Variants in SLC23A2 observed in about 807,000 individuals in gnomAD.
The protein encoded by SLC23A2 is solute carrier family 23 member 2.
In SLC23A2, 36 loss-of-function variants were observed where a neutral mutation model predicts 73.3. That is an observed-to-expected ratio of 0.49 (90% CI 0.38 to 0.65). SLC23A2 has a LOEUF of 0.65. Ranked by LOEUF, SLC23A2 falls within the 30% of genes least tolerant of loss-of-function variation. The probability of loss-of-function intolerance (pLI) is 0.00; values close to 1 mark genes in which losing one functional copy is unlikely to be tolerated. For synonymous variants in SLC23A2, 343 were observed against 327.3 expected, an observed-to-expected ratio of 1.05 and a Z score of -0.52; for missense variants, 507 against 841.6, an observed-to-expected ratio of 0.60 and a Z score of 4.92.
At chr20:4,937,523 C>G (rs1161501873) in intron 2 of SLC23A2, among the ~76,000 whole-genome samples, 1 of 152,118 alleles carries the variant, frequency 6.6e-6, no homozygotes, top group Non-Finnish European at 1.5e-5. Flanking sequence ...TCTCTGACCT[C>G]TTATTAAATA....
At chr20:4,892,742 G>A (rs113488994) in intron 6 of SLC23A2, among the ~76,000 whole-genome samples, 1 of 151,952 alleles carries the variant, frequency 6.6e-6, no homozygotes, top group Non-Finnish European at 1.5e-5. Context: ...AATATGACAG[G>A]GACACAATCA....
At chr20:4,984,867 G>A (rs766453011) in intron 1 of SLC23A2, among the ~76,000 whole-genome samples, 5 of 151,688 alleles carry the variant, frequency 3.3e-5, no homozygotes, top group African/African-American at 4.8e-5. Flanking sequence ...GGCCAGGCAT[G>A]GTGGCTCACG....
intron 3 of SLC23A2, among the ~76,000 whole-genome samples, chr20:4,913,818 G>T (rs1932238747): frequency 6.6e-6 from 1 of 151,690 alleles, no homozygotes; most frequent in South Asian, 2.1e-4. Context: ...GTAGAGACGG[G>T]GTTTCACCAT....
intron 1 of SLC23A2, among the ~76,000 whole-genome samples, chr20:4,993,044 C>T (rs985389903): frequency 6.6e-6 from 1 of 151,674 alleles, no homozygotes; most frequent in South Asian, 2.1e-4. Flanking sequence ...TTTGGGAGGC[C>T]GAGGCAGGTG....
chr20:4,988,051 C>A (rs1281233155), intron 1 of SLC23A2, among the ~76,000 whole-genome samples: 1 of 150,690 alleles, frequency 6.6e-6, no homozygotes, highest in African/African-American at 2.4e-5. Context: ...GTAATCTCAG[C>A]ACTTTGGGAG....
chr20:4,995,488 C>T (rs1472297316), intron 1 of SLC23A2, among the ~76,000 whole-genome samples: 2 of 152,136 alleles, frequency 1.3e-5, no homozygotes, highest in Non-Finnish European at 2.9e-5. Flanking sequence ...TCCACCTGAC[C>T]CCCATCACAT....
intron 2 of SLC23A2, among the ~76,000 whole-genome samples, chr20:4,935,656 G>T (rs181367996): frequency 6.6e-6 from 1 of 151,950 alleles, no homozygotes; most frequent in Non-Finnish European, 1.5e-5. Context: ...AAAATTAGCC[G>T]GGCGTGGTGG....
intron 2 of SLC23A2, among the ~76,000 whole-genome samples, chr20:4,948,123 G>A (rs979042759): frequency 2.6e-5 from 4 of 152,164 alleles, no homozygotes; most frequent in Non-Finnish European, 4.4e-5. Context: ...CTGGGAGAAG[G>A]CAGGCTCAGG....
intron 9 of SLC23A2, among the ~76,000 whole-genome samples, chr20:4,877,302 A>AT (rs1165405013): frequency 2.0e-5 from 3 of 151,796 alleles, no homozygotes; most frequent in African/African-American, 2.4e-5. Flanking sequence ...ATATTTCAGC[A>AT]TTTTTTTTGG....
chr20:4,981,556 T>C (rs1353610687), intron 1 of SLC23A2, among the ~76,000 whole-genome samples: 1 of 152,142 alleles, frequency 6.6e-6, no homozygotes, highest in Non-Finnish European at 1.5e-5. Flanking sequence ...GTGATCGCAA[T>C]TTGCTGTCGA....
chr20:4,895,805 C>A lies in SLC23A2; in HGVS notation c.482+3750G>T, dbSNP rs540745895. On this transcript the variant is annotated intron_variant, in intron 6 of 16. Transcript: ENST00000338244. ...TTGATCTTGGTGAGCACCCCTAGAA[C>A]AGATGCTGTCCTGAGTGAGATCTGG... Among the ~76,000 whole-genome samples the A allele has an allele frequency of 2.3e-3, 354 of 152,350 alleles. 1 individual carries two copies. Among genetic ancestry groups the A allele is most frequent in the Non-Finnish European group, 4.3e-3 (292 of 68,030 alleles).
In SLC23A2 at chr20:4,989,752, G is replaced by A. The variant is rs191533070; in HGVS notation, c.-282+11654C>T. ...AGGTCAGGTGCGGAATTTTCCACTC[G>A]TGGCATCCTGTCAGTGCTCAAAAGT... On this transcript the variant is annotated intron_variant, in intron 1 of 16. Transcript: ENST00000338244. Among the ~76,000 whole-genome samples the A allele has an allele frequency of 6.4e-4, 98 of 152,056 alleles. 1 individual carries two copies. In the East Asian group the frequency reaches 0.017, roughly 27 times the overall value.
chr20:4,889,588 C>T (rs376152063), intron 6 of SLC23A2, among the ~76,000 whole-genome samples: 23 of 151,156 alleles, frequency 1.5e-4, no homozygotes, highest in African/African-American at 7.3e-5. Context: ...CTTTGGCATC[C>T]GCTCACATGA....
chr20:4,897,398 T>C (rs1482869704), intron 6 of SLC23A2, among the ~76,000 whole-genome samples: 1 of 152,156 alleles, frequency 6.6e-6, no homozygotes, highest in African/African-American at 2.4e-5. Flanking sequence ...TGCCATTCCT[T>C]GCACAGCCAA....
chr20:4,984,685 T>A (rs945564125), intron 1 of SLC23A2, among the ~76,000 whole-genome samples: 10 of 152,104 alleles, frequency 6.6e-5, no homozygotes, highest in African/African-American at 2.4e-4. Flanking sequence ...CATCAGTCAC[T>A]AGGGAAATGC....
At chr20:4,934,861 TAA>T (rs536874890) in intron 2 of SLC23A2, among the ~76,000 whole-genome samples, 1 of 138,122 alleles carries the variant, frequency 7.2e-6, no homozygotes, top group Non-Finnish European at 1.6e-5. Context: ...AGACTCTGTC[TAA>T]AAAAAAAAAA....
intron 1 of SLC23A2, among the ~76,000 whole-genome samples, chr20:4,971,321 C>CACACAT (rs2087557256): frequency 6.6e-6 from 1 of 151,358 alleles, no homozygotes; most frequent in African/African-American, 2.4e-5. Flanking sequence ...CACACACACA[C>CACACAT]ACACACACAC....
At chr20:4,927,958 A>C (rs1315298058) in intron 3 of SLC23A2, among the ~76,000 whole-genome samples, 1 of 152,120 alleles carries the variant, frequency 6.6e-6, no homozygotes, top group Non-Finnish European at 1.5e-5. Context: ...AATCATTCAA[A>C]ATGGTCTTCT....
intron 9 of SLC23A2, among the ~76,000 whole-genome samples, chr20:4,876,732 C>G (rs1011611430): frequency 2.6e-5 from 4 of 152,144 alleles, no homozygotes; most frequent in African/African-American, 9.7e-5. Context: ...AGATAAAACC[C>G]TGAAGATCAT....
Sources: allele counts gnomAD v4.1 joint callset (sites outside exome capture counted in the v4.1 genomes callset), GRCh38; gene constraint gnomAD v4.1.1; transcripts MANE v1.5; gene names NCBI Gene and HGNC (gene_info 2026-07-23, HGNC 2026-07-21).